The following GRHL2 variants were observed in gnomAD, a reference collection of about 807,000 sequenced individuals.
GRHL2 encodes the protein grainyhead-like protein 2 homolog.
A neutral mutation model predicts 83.8 loss-of-function variants in GRHL2; 21 were observed. The ratio of observed to expected loss-of-function variants is 0.25; its 90% CI spans 0.18 to 0.36. The LOEUF is 0.36. Among genes scored for constraint, GRHL2 ranks in the 10% least tolerant of loss-of-function variants. The pLI is 1.00. For missense variants in GRHL2, 623 were observed against 781.8 expected (o/e 0.80, Z 2.42); for synonymous variants, 280 against 278.9 (o/e 1.00, Z -0.04).
At chr8:101,524,950 C>CT (rs71276982) in intron 1 of GRHL2, among the ~76,000 whole-genome samples, 65,706 of 150,858 alleles carry the variant, frequency 0.44, 16,353 homozygotes, top group Non-Finnish European at 0.56. Context: ...ATCAACATAT[C>CT]TTTTTTTTTG....
intron 8 of GRHL2, among the ~76,000 whole-genome samples, chr8:101,609,665 G>A (rs1286097231): frequency 2.0e-5 from 3 of 150,788 alleles, no homozygotes; most frequent in Non-Finnish European, 4.4e-5. Flanking sequence ...GAGAGAAAGC[G>A]ATCTTCGGAC....
At chr8:101,549,108 A>C (rs1431656685) in intron 2 of GRHL2, among the ~76,000 whole-genome samples, 1 of 151,970 alleles carries the variant, frequency 6.6e-6, no homozygotes, top group Non-Finnish European at 1.5e-5. Context: ...GTATGGGCAC[A>C]AGTTAGCCTG....
chr8:101,661,508 A>G (rs112623655), intron 14 of GRHL2, among the ~76,000 whole-genome samples: 3,949 of 152,272 alleles, frequency 0.026, 143 homozygotes, highest in African/African-American at 0.076. Context: ...TGTACTTTAA[A>G]TAATCTCTAG....
chr8:101,599,479 C>T (rs567029), intron 8 of GRHL2, among the ~76,000 whole-genome samples: 67,507 of 152,020 alleles, frequency 0.44, 17,735 homozygotes, highest in Non-Finnish European at 0.59. Flanking sequence ...CTCCTCTAGA[C>T]ACAGAGAGAG....
At chr8:101,614,755 C>G (rs551322906) in intron 8 of GRHL2, among the ~76,000 whole-genome samples, 1 of 152,322 alleles carries the variant, frequency 6.6e-6, no homozygotes, top group African/African-American at 2.4e-5. Context: ...ATGCTTATCA[C>G]TTTCCAAGCT....
At chr8:101,540,167 T>G (rs1811123571) in intron 1 of GRHL2, among the ~76,000 whole-genome samples, 1 of 152,258 alleles carries the variant, frequency 6.6e-6, no homozygotes, top group African/African-American at 2.4e-5. Context: ...GCAGTGATAG[T>G]CATACCTGTT....
At chr8:101,606,974 C>T (rs930133816) in intron 8 of GRHL2, among the ~76,000 whole-genome samples, 4 of 152,236 alleles carry the variant, frequency 2.6e-5, no homozygotes, top group Non-Finnish European at 4.4e-5. Flanking sequence ...TCTCACTTCT[C>T]ATACGCTGCA....
At chr8:101,538,953 G>A (rs983071807) in intron 1 of GRHL2, among the ~76,000 whole-genome samples, 7 of 152,174 alleles carry the variant, frequency 4.6e-5, no homozygotes, top group African/African-American at 9.6e-5. Context: ...CACTGATCAC[G>A]TAAGGATTCA....
At chr8:101,589,801 C>T (rs1812241441) in intron 7 of GRHL2, among the ~76,000 whole-genome samples, 1 of 152,084 alleles carries the variant, frequency 6.6e-6, no homozygotes, top group South Asian at 2.1e-4. Flanking sequence ...TCACTCTATG[C>T]TGGTCACATA....
chr8:101,548,058 T>C (rs1811301088), intron 2 of GRHL2, among the ~76,000 whole-genome samples: 1 of 152,222 alleles, frequency 6.6e-6, no homozygotes, highest in African/African-American at 2.4e-5. Flanking sequence ...AAAATAGGCT[T>C]CCCTGGTCAG....
At chr8:101,620,330 T>G (rs1262927117) in intron 9 of GRHL2, among the ~76,000 whole-genome samples, 1 of 152,202 alleles carries the variant, frequency 6.6e-6, no homozygotes, top group Admixed American at 6.5e-5. Context: ...TACATTGTGC[T>G]ATAAGTTTGA....
downstream of GRHL2, among the ~76,000 whole-genome samples, chr8:101,670,720 G>A (rs1341293571): frequency 6.6e-6 from 1 of 152,212 alleles, no homozygotes; most frequent in Non-Finnish European, 1.5e-5. Context: ...GCTGTTAGGT[G>A]CTCGCCATGT....
chr8:101,652,330 GGT>G (rs1173769294), intron 14 of GRHL2, among the ~76,000 whole-genome samples: 3 of 101,690 alleles, frequency 3.0e-5, no homozygotes, highest in East Asian at 5.3e-4. Flanking sequence ...GTGTGTGTGT[GGT>G]GTGTGTGTAT....
intron 9 of GRHL2, among the ~76,000 whole-genome samples, chr8:101,622,186 C>T (rs990303393): frequency 6.6e-6 from 1 of 152,058 alleles, no homozygotes; most frequent in African/African-American, 2.4e-5. Flanking sequence ...GATTATCAAA[C>T]TTTTCAACAG....
chr8:101,502,772 C>T (rs1052224655), intron 1 of GRHL2, among the ~76,000 whole-genome samples: 1 of 152,090 alleles, frequency 6.6e-6, no homozygotes, highest in African/African-American at 2.4e-5. Flanking sequence ...TCTTTCTCCT[C>T]TTCCTCCTCT....
At chr8:101,678,365 C>A in the GRHL2 span, among the ~76,000 whole-genome samples, 1 of 152,138 alleles carries the variant, frequency 6.6e-6, no homozygotes, top group Non-Finnish European at 1.5e-5. Context: ...GAATACTGCG[C>A]TTTTCCGACG....
At chr8:101,566,640 C>T (rs938037392) in intron 4 of GRHL2, among the ~76,000 whole-genome samples, 2 of 148,504 alleles carry the variant, frequency 1.3e-5, no homozygotes, top group African/African-American at 4.9e-5. Context: ...TTATATCTAA[C>T]TGCCCGATTG....
intron 9 of GRHL2, among the ~76,000 whole-genome samples, chr8:101,624,565 C>G (rs956083165): frequency 3.3e-5 from 5 of 151,332 alleles, no homozygotes; most frequent in Non-Finnish European, 7.4e-5. Context: ...CACAGTAGGA[C>G]AGTACACAGT....
intron 13 of GRHL2, 95 bp downstream of exon 13, chr8:101,644,320 C>T: frequency 1.1e-6 from 1 of 911,736 alleles, no homozygotes; most frequent in Non-Finnish European, 1.8e-6. Flanking sequence ...CCCCATGGCT[C>T]TGTGCCAGCC....
Sources: gnomAD v4.1 joint callset for allele counts (sites outside exome capture counted in the v4.1 genomes callset) on GRCh38, gnomAD v4.1.1 for gene constraint, MANE v1.5 for transcripts, NCBI Gene and HGNC (gene_info 2026-07-23, HGNC 2026-07-21) for gene names.